The following C17orf99 variants were observed in gnomAD, a reference collection of about 807,000 sequenced individuals.
C17orf99 encodes the protein protein IL-40.
C17orf99 carries 18 observed loss-of-function variants against 22.6 expected under a neutral mutation model. That is an observed-to-expected ratio of 0.80 (90% confidence interval 0.55 to 1.18). C17orf99 has a LOEUF of 1.18. Among genes scored for constraint, C17orf99 ranks in the 50% most tolerant of loss-of-function variants. The pLI is 0.00. For missense variants in C17orf99, 328 were observed against 342.7 expected (o/e 0.96, Z 0.34); for synonymous variants, 147 against 136.6 (o/e 1.08, Z -0.53).
Position 78,164,376 on chromosome 17 carries a change from C to T in C17orf99, c.640+12C>T. The T allele has an allele frequency of 1.9e-6, 3 of 1,551,280 alleles. No individual in the cohort carries two copies. Among genetic ancestry groups the T allele is most frequent in the Non-Finnish European group, 2.6e-6 (3 of 1,146,990 alleles). Reference sequence around the variant, plus strand: ...AGTGGTGCCCCCAGGTGAGAGGGCCCTTGGATTTCCAGAGGGGCAGCTGGC... The same window carrying T: ...AGTGGTGCCCCCAGGTGAGAGGGCCTTTGGATTTCCAGAGGGGCAGCTGGC... On this transcript the variant is annotated intron_variant, in intron 4 of 4. Coordinates refer to ENST00000340363, the MANE Select transcript of C17orf99 (RefSeq NM_001163075.2).
Position 78,161,226 on chromosome 17 carries a change from G to A in C17orf99, c.342G>A (p.Arg114=). 1 of 1,551,778 alleles carries A rather than the reference G, an allele frequency of 6.4e-7. No individual in the cohort carries two copies. Among genetic ancestry groups the A allele is most frequent in the Non-Finnish European group, 8.7e-7 (1 of 1,146,970 alleles). ...STSGAHVDSA[R]LQMHWELWSK... ...CAGGTGCCCATGTGGACAGTGCCAGGCTACAGATGCACTGGGAGCTGTGGT... is the reference window on the plus strand; with the variant it reads ...CAGGTGCCCATGTGGACAGTGCCAGACTACAGATGCACTGGGAGCTGTGGT... The change falls in exon 3 of 5, where the codon AGG becomes AGA. Residue 114 remains arginine, a synonymous_variant. Coordinates refer to ENST00000340363, the MANE Select transcript of C17orf99 (RefSeq NM_001163075.2).
chr17:78,163,200 G>C (rs1021123169), intron 3 of C17orf99, among the ~76,000 whole-genome samples: 1 of 152,162 alleles, frequency 6.6e-6, no homozygotes, highest in South Asian at 2.1e-4. Context: ...GCTGCAGTGA[G>C]CGGTGATCAC....
At chr17:78,150,837 G>A (rs568832408) in intron 2 of C17orf99, among the ~76,000 whole-genome samples, 2 of 152,224 alleles carry the variant, frequency 1.3e-5, no homozygotes, top group South Asian at 4.1e-4. Context: ...AAACGGCACA[G>A]AGGAGGCCGG....
At chr17:78,162,378 G>A (rs1314412102) in intron 3 of C17orf99, among the ~76,000 whole-genome samples, 2 of 151,304 alleles carry the variant, frequency 1.3e-5, no homozygotes, top group Non-Finnish European at 2.9e-5. Flanking sequence ...CCTTCTTCCT[G>A]TTTCCATCCT....
At position 78,146,551 on chromosome 17, in the gene C17orf99, C is replaced by G; in HGVS notation, c.37+107C>G. On this transcript the variant is annotated intron_variant, in intron 1 of 4. Transcript: ENST00000340363. This position sits in a 1 kb window ranked among gnomAD's most constrained non-coding sequence, Gnocchi z 5.2. ...GGAGAGATGAGGCCTGAAGGAAGGG[C>G]ACCTCTGGAAACATGGACAGAGAGG... The G allele has an allele frequency of 9.8e-7, 1 of 1,020,214 alleles. No homozygotes were observed. Among genetic ancestry groups the G allele is most frequent in the Middle Eastern group, 2.0e-4 (1 of 4,914 alleles). The allele number at this position is 1,020,214 out of a possible 1,614,324, so 63.2% of individuals were successfully genotyped here. A position where few individuals can be genotyped will look rare whatever the true frequency, so the allele number is the denominator to read the frequency against.
intron 2 of C17orf99, chr17:78,157,496 T>A: frequency 8.1e-7 from 1 of 1,237,548 alleles, no homozygotes; most frequent in Non-Finnish European, 1.1e-6. Context: ...GTCCTCAGCA[T>A]TGTGTAAAAA....
intron 3 of C17orf99, among the ~76,000 whole-genome samples, chr17:78,162,710 C>T (rs2075587586): frequency 6.6e-6 from 1 of 152,142 alleles, no homozygotes; most frequent in African/African-American, 2.4e-5. Flanking sequence ...TTTGGGAGGC[C>T]AAGGTGGGAG....
intron 2 of C17orf99, among the ~76,000 whole-genome samples, chr17:78,150,510 C>T (rs1010638905): frequency 2.0e-5 from 3 of 152,152 alleles, no homozygotes; most frequent in Non-Finnish European, 4.4e-5. Flanking sequence ...GGACAGGCAT[C>T]TTCAAGGAGG....
intron 3 of C17orf99, 100 bp downstream of exon 3, chr17:78,161,354 G>C (rs989038428): frequency 1.2e-5 from 13 of 1,075,002 alleles, no homozygotes; most frequent in African/African-American, 9.4e-5. Flanking sequence ...GGGTTAGAGA[G>C]AGCCAGGGTG....
intron 2 of C17orf99, chr17:78,159,138 T>TA (rs59978970): frequency 9.9e-5 from 15 of 151,608 alleles, no homozygotes; most frequent in African/African-American, 1.5e-4. Context: ...TAATATGATT[T>TA]AAAAAAAAAA....
At position 78,161,051 on chromosome 17, in the gene C17orf99, C is replaced by A. The variant is rs190149894; in HGVS notation, c.167C>A (p.Pro56Gln). The A allele has an allele frequency of 1.9e-6, 3 of 1,551,600 alleles. No individual in the cohort carries two copies. In the African/African-American group the frequency reaches 4.1e-5, roughly 21 times the overall value. Reference sequence around the variant, plus strand: ...ACCTGCTGTGCACCCCAGCCACCACCGCCCATCACCTATTCCCTCTGTGGA... The same window carrying A: ...ACCTGCTGTGCACCCCAGCCACCACAGCCCATCACCTATTCCCTCTGTGGA... ...LITCCAPQPP[P>Q]PITYSLCGTK... The change falls in exon 3 of 5, where the codon CCG (proline) becomes CAG (glutamine). Residue 56 changes from proline (P) to glutamine (Q), a missense_variant. Transcript: ENST00000340363.
rs1283550643 is a variant in C17orf99, at chr17:78,146,396, AC to A, written c.-9del. On this transcript the variant is annotated 5_prime_UTR_variant, in exon 1 of 5. Coordinates refer to ENST00000340363, the MANE Select transcript of C17orf99 (RefSeq NM_001163075.2). This position sits in a 1 kb window ranked among gnomAD's most constrained non-coding sequence, Gnocchi z 5.2. ...CTCACTGCCCGAGCAGAGGCCCTACACCCACCGAGGCATGGGGCTCCCTGGG... is the reference window on the plus strand; with the variant it reads ...CTCACTGCCCGAGCAGAGGCCCTACACCACCGAGGCATGGGGCTCCCTGGG... The A allele has an allele frequency of 1.3e-6, 2 of 1,549,990 alleles. No individual in the cohort carries two copies. Among genetic ancestry groups the A allele is most frequent in the South Asian group, 2.4e-5 (2 of 84,020 alleles).
At chr17:78,164,426 T>C in intron 4 of C17orf99, 62 bp downstream of exon 4, 1 of 1,550,638 alleles carries the variant, frequency 6.4e-7, no homozygotes, top group Non-Finnish European at 8.7e-7. Context: ...AGGGTGCTAG[T>C]GTCCAAGACA....
rs1368696445 is a variant in C17orf99 at position 78,146,679 on chromosome 17, A to G, written c.38-200A>G. 1.3e-5 allele frequency among the ~76,000 whole-genome samples: 2 copies of G among 152,024 alleles called. No homozygotes were observed. The highest frequency in any genetic ancestry group is 2.9e-5 in the Non-Finnish European group (2 of 67,986). On this transcript the variant is annotated intron_variant, in intron 1 of 4. Coordinates refer to ENST00000340363, the MANE Select transcript of C17orf99 (RefSeq NM_001163075.2). The surrounding 1 kb of genome is among the most constrained non-coding windows in gnomAD (Gnocchi z 5.2). ...GGCTCACTACTTACCCATCTGCGAA[A>G]TGGGCGGATGAGAGGCGATGTTGTG...
intron 3 of C17orf99, among the ~76,000 whole-genome samples, chr17:78,163,614 C>T (rs2075594418): frequency 6.6e-6 from 1 of 152,228 alleles, no homozygotes; most frequent in African/African-American, 2.4e-5. Context: ...CGCCTAAAAT[C>T]CCAGCACTTT....
At chr17:78,163,471 A>G (rs1006521758) in intron 3 of C17orf99, among the ~76,000 whole-genome samples, 1 of 152,260 alleles carries the variant, frequency 6.6e-6, no homozygotes, top group African/African-American at 2.4e-5. Context: ...TAAATTTTAC[A>G]TAGGACATAC....
chr17:78,148,997 G>A (rs1006431839), intron 2 of C17orf99, among the ~76,000 whole-genome samples: 1 of 152,042 alleles, frequency 6.6e-6, no homozygotes, highest in African/African-American at 2.4e-5. Context: ...AGCAGCTGCT[G>A]GCAGATGGCA....
chr17:78,153,918 C>CTT (rs532705146), intron 2 of C17orf99, among the ~76,000 whole-genome samples: 1,483 of 79,480 alleles, frequency 0.019, 18 homozygotes, highest in Non-Finnish European at 0.025. Flanking sequence ...AGTATTCCTT[C>CTT]TTTTTTTTTT....
At chr17:78,153,874 T>G (rs1189179150) in intron 2 of C17orf99, among the ~76,000 whole-genome samples, 2 of 151,800 alleles carry the variant, frequency 1.3e-5, no homozygotes, top group East Asian at 3.9e-4. Flanking sequence ...AATCGAAGAT[T>G]TTTCCATGAA....
Sources: allele counts gnomAD v4.1 joint callset (sites outside exome capture counted in the v4.1 genomes callset), GRCh38; gene constraint gnomAD v4.1.1; non-coding constraint Gnocchi (gnomAD v3.1); transcripts MANE v1.5; gene names NCBI Gene and HGNC (gene_info 2026-07-23, HGNC 2026-07-21).